Variants in FGF14 observed in about 807,000 individuals in gnomAD.
The protein encoded by FGF14 is fibroblast growth factor homologous factor 4.
A neutral mutation model predicts 25.5 loss-of-function variants in FGF14; 5 were observed. That is an observed-to-expected ratio of 0.20 (90% CI 0.10 to 0.41). The LOEUF is 0.41. Among genes scored for constraint, FGF14 ranks in the 10% least tolerant of loss-of-function variants. The pLI is 1.00. For synonymous variants in FGF14, 138 were observed against 118.3 expected, an observed-to-expected ratio of 1.17 and a Z score of -1.08; for missense variants, 222 against 320.1, an observed-to-expected ratio of 0.69 and a Z score of 2.34.
chr13:102,200,820 A>G (rs750863793), intron 1 of FGF14, among the ~76,000 whole-genome samples: 1 of 152,064 alleles, frequency 6.6e-6, no homozygotes, highest in Non-Finnish European at 1.5e-5. Context: ...TATAAACAAC[A>G]GCATTGAGGC....
chr13:102,192,450 G>C (rs2049164310), intron 1 of FGF14, among the ~76,000 whole-genome samples: 1 of 152,012 alleles, frequency 6.6e-6, no homozygotes, highest in African/African-American at 2.4e-5. Flanking sequence ...TTCACCACAG[G>C]CTTTTTTATT....
intron 1 of FGF14, among the ~76,000 whole-genome samples, chr13:102,240,662 GA>G (rs1372113419): frequency 6.6e-6 from 1 of 152,134 alleles, no homozygotes; most frequent in Non-Finnish European, 1.5e-5. Context: ...TACAGGAGAG[GA>G]AAGATAAATA....
rs550095847 is a variant in FGF14, at chr13:102,099,176, G to A, written c.209-223880C>T. ...TTGACCATACACCATATTTATATGG[G>A]CCTAAAAGTCATAGTTTTTCAGGGA... On this transcript the variant is annotated intron_variant, in intron 1 of 4. Transcript: ENST00000376131. 7.4e-4 allele frequency among the ~76,000 whole-genome samples: 113 copies of A among 152,230 alleles called. 1 individual carries two copies. The highest frequency in any genetic ancestry group is 2.6e-3 in the African/African-American group (108 of 41,516).
chr13:102,103,599 A>G (rs1273431483), intron 1 of FGF14, among the ~76,000 whole-genome samples: 2 of 152,178 alleles, frequency 1.3e-5, no homozygotes, highest in East Asian at 3.9e-4. Context: ...AAATGAAGCA[A>G]CATCACATGT....
At chr13:101,839,326 T>C (rs1327562639) in intron 3 of FGF14, among the ~76,000 whole-genome samples, 1 of 152,046 alleles carries the variant, frequency 6.6e-6, no homozygotes, top group Non-Finnish European at 1.5e-5. Flanking sequence ...AATGTGATCC[T>C]GAGAAAAGTC....
At chr13:101,831,240 CTATTTATTTATT>C (rs71125026) in intron 3 of FGF14, among the ~76,000 whole-genome samples, 2,717 of 147,438 alleles carry the variant, frequency 0.018, 71 homozygotes, top group East Asian at 0.088. Context: ...ATGTTAGTTA[CTATTTATTTATT>C]TATTTATTTA....
upstream of FGF14, among the ~76,000 whole-genome samples, chr13:101,919,359 T>C (rs1205448316): frequency 6.6e-6 from 1 of 151,718 alleles, no homozygotes; most frequent in African/African-American, 2.4e-5. Context: ...AGTGACCTCT[T>C]AAATCTAGTA....
chr13:102,369,721 G>T (rs995001205), intron 1 of FGF14, among the ~76,000 whole-genome samples: 8 of 152,210 alleles, frequency 5.3e-5, no homozygotes, highest in African/African-American at 1.9e-4. Context: ...AATAGCATTT[G>T]TGAATATAAA....
At chr13:101,823,351 AAT>A (rs1459331515) in intron 3 of FGF14, among the ~76,000 whole-genome samples, 2 of 149,428 alleles carry the variant, frequency 1.3e-5, no homozygotes, top group Non-Finnish European at 3.0e-5. Context: ...ACATACAAAA[AAT>A]AGTATATTTT....
chr13:102,185,330 G>A (rs910174042), intron 1 of FGF14, among the ~76,000 whole-genome samples: 1 of 152,060 alleles, frequency 6.6e-6, no homozygotes, highest in Non-Finnish European at 1.5e-5. Flanking sequence ...ACAGGAAAAC[G>A]ATATTTTTAT....
intron 3 of FGF14, among the ~76,000 whole-genome samples, chr13:101,812,480 T>C (rs1365963193): frequency 2.0e-5 from 3 of 151,124 alleles, no homozygotes; most frequent in Non-Finnish European, 4.4e-5. Context: ...ACTTTATAGA[T>C]CTTTTATATT....
At chr13:102,214,065 C>T (rs898722070) in intron 1 of FGF14, among the ~76,000 whole-genome samples, 5 of 152,222 alleles carry the variant, frequency 3.3e-5, no homozygotes, top group Non-Finnish European at 7.3e-5. Flanking sequence ...AAGCAAGCAT[C>T]GAGTCCCTCC....
At chr13:101,840,989 TG>T (rs1007447804) in intron 3 of FGF14, among the ~76,000 whole-genome samples, 29 of 151,974 alleles carry the variant, frequency 1.9e-4, no homozygotes, top group African/African-American at 7.0e-4. Context: ...ATCTCAAGTG[TG>T]GAGCTTAAGT....
In FGF14 at chr13:102,275,662, T is replaced by A. The variant is rs115791501; in HGVS notation, c.208+125809A>T. Among the ~76,000 whole-genome samples, 342 of 147,264 alleles carry A rather than the reference T, an allele frequency of 2.3e-3. 3 individuals carry two copies. Among genetic ancestry groups the A allele is most frequent in the African/African-American group, 8.1e-3 (332 of 41,190 alleles). The stretch of plus-strand genomic sequence containing the variant: ...AGACTTTTATGCCTAATAAACTAGA[T>A]TTCGGAACACAAATAGGACTTCTAA... On this transcript the variant is annotated intron_variant, in intron 1 of 4. Transcript: ENST00000376131.
At chr13:102,365,738 ATG>A (rs961502704) in intron 1 of FGF14, among the ~76,000 whole-genome samples, 7 of 151,590 alleles carry the variant, frequency 4.6e-5, no homozygotes, top group African/African-American at 1.2e-4. Context: ...TTATGTATAT[ATG>A]TGTGTGTGTG....
intron 1 of FGF14, among the ~76,000 whole-genome samples, chr13:101,941,420 G>A (rs541571773): frequency 6.6e-6 from 1 of 152,170 alleles, no homozygotes; most frequent in Non-Finnish European, 1.5e-5. Flanking sequence ...CTTTATCCAT[G>A]TATTCTAGTG....
intron 1 of FGF14, among the ~76,000 whole-genome samples, chr13:101,973,135 T>G (rs888676271): frequency 3.5e-4 from 52 of 150,698 alleles, no homozygotes; most frequent in African/African-American, 1.2e-3. Flanking sequence ...TTTTTTTTTT[T>G]TTGCCTTTAT....
At chr13:102,029,106 G>T (rs944170144) in intron 1 of FGF14, among the ~76,000 whole-genome samples, 18 of 152,004 alleles carry the variant, frequency 1.2e-4, no homozygotes, top group Non-Finnish European at 2.5e-4. Flanking sequence ...TCGCTGGCTT[G>T]GAAATCATCC....
rs560356362 is a variant in FGF14, at chr13:102,069,387, AAG to A, written c.209-194093_209-194092del. On this transcript the variant is annotated intron_variant, in intron 1 of 4. Transcript: ENST00000376131. ...CAGCAGGATGTGGGTGGGGCCAGATAAGAGAATAAAAGGAGGCTGCCCGAGCC... is the reference window on the plus strand; with the variant it reads ...CAGCAGGATGTGGGTGGGGCCAGATAAGAATAAAAGGAGGCTGCCCGAGCC... 2.1e-4 allele frequency among the ~76,000 whole-genome samples: 32 copies of A among 152,316 alleles called. No individual in the cohort carries two copies. In the South Asian group the frequency reaches 6.6e-3, roughly 32 times the overall value.
Sources: allele counts gnomAD v4.1 joint callset (sites outside exome capture counted in the v4.1 genomes callset), GRCh38; gene constraint gnomAD v4.1.1; transcripts MANE v1.5; gene names NCBI Gene and HGNC (gene_info 2026-07-23, HGNC 2026-07-21).